The following FAM222B variants were observed in gnomAD, a reference collection of about 807,000 sequenced individuals.
FAM222B encodes family with sequence similarity 222 member B.
Under a neutral mutation model 38.0 loss-of-function variants are expected in FAM222B, and 12 were observed. The observed-to-expected ratio is 0.32, with a 90% CI of 0.20 to 0.51. The LOEUF (loss-of-function observed/expected upper bound fraction) is 0.51. FAM222B is among the 20% of genes least tolerant of loss of function. The probability of loss-of-function intolerance (pLI) is 0.97; values close to 1 mark genes in which losing one functional copy is unlikely to be tolerated. For synonymous variants in FAM222B, 329 were observed against 317.2 expected, an observed-to-expected ratio of 1.04 and a Z score of -0.40; for missense variants, 716 against 754.2, an observed-to-expected ratio of 0.95 and a Z score of 0.59.
At chr17:28,853,476 A>G (rs1233116846) in intron 1 of FAM222B, among the ~76,000 whole-genome samples, 2 of 152,180 alleles carry the variant, frequency 1.3e-5, no homozygotes, top group East Asian at 1.9e-4. Context: ...CTCCCATCCT[A>G]TGGATACCAA....
At chr17:28,819,347 A>G (rs1435017087) in intron 1 of FAM222B, among the ~76,000 whole-genome samples, 1 of 152,230 alleles carries the variant, frequency 6.6e-6, no homozygotes, top group African/African-American at 2.4e-5. Flanking sequence ...ACCAAAGGGG[A>G]AAATATTCAA....
At chr17:28,788,429 G>A (rs1676722343) in intron 1 of FAM222B, among the ~76,000 whole-genome samples, 1 of 151,796 alleles carries the variant, frequency 6.6e-6, no homozygotes, top group Non-Finnish European at 1.5e-5. Flanking sequence ...TATAGAGACA[G>A]GTTTTTGCCA....
At chr17:28,769,822 T>C (rs1303857977) in intron 1 of FAM222B, among the ~76,000 whole-genome samples, 2 of 152,194 alleles carry the variant, frequency 1.3e-5, no homozygotes, top group African/African-American at 4.8e-5. Flanking sequence ...CCAAACACGC[T>C]ACCGCTTTAG....
chr17:28,838,254 G>C (rs917153713), intron 1 of FAM222B, among the ~76,000 whole-genome samples: 4 of 152,076 alleles, frequency 2.6e-5, no homozygotes, highest in African/African-American at 7.2e-5. Flanking sequence ...CTGCACTCCA[G>C]TCTGGGCGAC....
At chr17:28,845,288 C>G (rs1306694380), upstream of FAM222B, among the ~76,000 whole-genome samples, 3 of 151,704 alleles carry the variant, frequency 2.0e-5, no homozygotes, top group African/African-American at 7.3e-5. Flanking sequence ...GCAGTCCCAG[C>G]TACTTGGGAG....
At chr17:28,854,185 C>T (rs1332758376) in intron 1 of FAM222B, among the ~76,000 whole-genome samples, 2 of 152,084 alleles carry the variant, frequency 1.3e-5, no homozygotes, top group Non-Finnish European at 2.9e-5. Flanking sequence ...CCTCGTGATC[C>T]GCCCGCCTCG....
intron 1 of FAM222B, among the ~76,000 whole-genome samples, chr17:28,807,251 G>GA (rs1341726063): frequency 1.3e-5 from 2 of 151,902 alleles, no homozygotes; most frequent in Admixed American, 1.3e-4. Flanking sequence ...CCCGAACTCA[G>GA]GTGATCCGCC....
At chr17:28,810,556 C>T (rs911844289) in intron 1 of FAM222B, among the ~76,000 whole-genome samples, 3 of 151,996 alleles carry the variant, frequency 2.0e-5, no homozygotes, top group African/African-American at 4.8e-5. Context: ...ACTGTAAAGG[C>T]TTCAATCAGT....
chr17:28,783,406 TG>T (rs2036245741), intron 1 of FAM222B, among the ~76,000 whole-genome samples: 1 of 152,068 alleles, frequency 6.6e-6, no homozygotes, highest in Non-Finnish European at 1.5e-5. Context: ...AAGAGAACAC[TG>T]GAAGCACACT....
intron 1 of FAM222B, among the ~76,000 whole-genome samples, chr17:28,807,834 T>C (rs1051524116): frequency 2.6e-5 from 4 of 152,200 alleles, no homozygotes; most frequent in East Asian, 1.9e-4. Flanking sequence ...TTAAAGAAGA[T>C]ACAAAGGCCT....
chr17:28,847,172 G>A (rs559522321), upstream of FAM222B, among the ~76,000 whole-genome samples: 7 of 151,776 alleles, frequency 4.6e-5, no homozygotes, highest in South Asian at 8.3e-4. Context: ...GCAGTGAGCC[G>A]AGATAGTGCC....
chr17:28,843,060 C>T (rs1567912426), upstream of FAM222B, among the ~76,000 whole-genome samples: 1 of 152,098 alleles, frequency 6.6e-6, no homozygotes, highest in East Asian at 1.9e-4. Context: ...ACTGGCTCTT[C>T]CAGAATTCTG....
chr17:28,804,064 T>C (rs951220009), intron 1 of FAM222B, among the ~76,000 whole-genome samples: 19 of 152,130 alleles, frequency 1.2e-4, no homozygotes, highest in Admixed American at 3.9e-4. Context: ...ACTTGAAAGA[T>C]TTTAATTCTC....
At chr17:28,780,044 C>A (rs1181092227) in intron 1 of FAM222B, among the ~76,000 whole-genome samples, 4 of 151,428 alleles carry the variant, frequency 2.6e-5, no homozygotes, top group African/African-American at 9.7e-5. Context: ...AATCTCAGCT[C>A]ACTGCAACCT....
At chr17:28,823,427 CG>C (rs1477826313) in intron 1 of FAM222B, among the ~76,000 whole-genome samples, 1 of 151,270 alleles carries the variant, frequency 6.6e-6, no homozygotes, top group Admixed American at 6.6e-5. Flanking sequence ...GCAATTAGGC[CG>C]GAGTGCAGTG....
At chr17:28,771,750 T>G (rs757597109) in intron 1 of FAM222B, among the ~76,000 whole-genome samples, 8 of 151,180 alleles carry the variant, frequency 5.3e-5, no homozygotes, top group Non-Finnish European at 1.2e-4. Flanking sequence ...GGCATGTATA[T>G]TATTTCTACA....
upstream of FAM222B, among the ~76,000 whole-genome samples, chr17:28,846,863 G>A (rs2039148884): frequency 6.6e-6 from 1 of 151,960 alleles, no homozygotes; most frequent in Non-Finnish European, 1.5e-5. Context: ...CAAGGCAGAG[G>A]ACCATTTGAG....
intron 1 of FAM222B, among the ~76,000 whole-genome samples, chr17:28,834,062 C>A (rs924901748): frequency 6.6e-6 from 1 of 152,150 alleles, no homozygotes; most frequent in African/African-American, 2.4e-5. Context: ...CTTTACCCGT[C>A]CTCCAATATA....
In FAM222B at chr17:28,759,379, G is replaced by C. The variant is rs1193173529; in HGVS notation, c.580C>G (p.Gln194Glu). 6.2e-7 allele frequency: 1 copy of C among 1,605,200 alleles called. No homozygotes were observed. The highest frequency in any genetic ancestry group is 1.7e-5 in the Admixed American group (1 of 58,830). ...LSHPQSLQQP[Q>E]GLGHPQPMAQ... ...ATGGGCTGAGGGTGGCCCAGGCCCTGAGGCTGCTGGAGGCTCTGAGGGTGG... is the reference window on the plus strand; with the variant it reads ...ATGGGCTGAGGGTGGCCCAGGCCCTCAGGCTGCTGGAGGCTCTGAGGGTGG... Residue 194 changes from glutamine to glutamate, a missense_variant, in exon 3 of 3, where the codon CAG (glutamine) becomes GAG (glutamate). Coordinates refer to ENST00000581407, the MANE Select transcript of FAM222B (RefSeq NM_001077498.3). This position sits in a 1 kb window ranked among gnomAD's most constrained non-coding sequence, Gnocchi z 4.8.
Sources: allele counts gnomAD v4.1 joint callset (sites outside exome capture counted in the v4.1 genomes callset), GRCh38; gene constraint gnomAD v4.1.1; non-coding constraint Gnocchi (gnomAD v3.1); transcripts MANE v1.5; gene names NCBI Gene and HGNC (gene_info 2026-07-23, HGNC 2026-07-21).